BMPR1B: variants seen among roughly 807,000 people sequenced by gnomAD.
BMPR1B encodes bone morphogenetic protein receptor type 1B, also known as bone morphogenetic protein receptor type-1B.
BMPR1B carries 12 observed loss-of-function variants against 59.1 expected under a neutral mutation model. The observed-to-expected ratio is 0.20, with a 90% CI of 0.13 to 0.33. The LOEUF (loss-of-function observed/expected upper bound fraction) is 0.33. Among genes scored for constraint, BMPR1B ranks in the 10% least tolerant of loss-of-function variants. The pLI is 1.00. For missense variants in BMPR1B, 550 were observed against 610.9 expected (o/e 0.90, Z 1.05); for synonymous variants, 237 against 207.3 (o/e 1.14, Z -1.23).
At chr4:94,987,751 C>T (rs894708116) in intron 2 of BMPR1B, among the ~76,000 whole-genome samples, 13 of 151,926 alleles carry the variant, frequency 8.6e-5, no homozygotes, top group Admixed American at 3.9e-4. Flanking sequence ...ATCAAATATA[C>T]GGCAGTTTTT....
intron 3 of BMPR1B, among the ~76,000 whole-genome samples, chr4:95,063,434 G>T (rs140794222): frequency 6.6e-6 from 1 of 151,860 alleles, no homozygotes; most frequent in South Asian, 2.1e-4. Flanking sequence ...TAGATCATAG[G>T]TGCAGGAGCT....
At chr4:94,807,571 C>T (rs550340968) in intron 1 of BMPR1B, among the ~76,000 whole-genome samples, 15 of 152,020 alleles carry the variant, frequency 9.9e-5, no homozygotes, top group Non-Finnish European at 1.9e-4. Context: ...CAGCCACACC[C>T]GAAACATTGT....
At chr4:94,812,215 T>C (rs1723843961) in intron 1 of BMPR1B, among the ~76,000 whole-genome samples, 1 of 152,214 alleles carries the variant, frequency 6.6e-6, no homozygotes, top group Non-Finnish European at 1.5e-5. Flanking sequence ...AGAAGCTTCA[T>C]ACTGTTATAG....
intron 12 of BMPR1B, among the ~76,000 whole-genome samples, chr4:95,154,268 TC>T (rs1309450594): frequency 6.6e-6 from 1 of 152,208 alleles, no homozygotes; most frequent in Non-Finnish European, 1.5e-5. Flanking sequence ...GAATACAGAC[TC>T]CCTGGGTATT....
At chr4:94,799,342 C>T (rs997064279) in intron 1 of BMPR1B, among the ~76,000 whole-genome samples, 5 of 149,302 alleles carry the variant, frequency 3.3e-5, no homozygotes, top group African/African-American at 7.4e-5. Context: ...CTTGCTGTGT[C>T]GCCCAGTCTG....
chr4:94,951,107 T>G (rs1341212850), intron 2 of BMPR1B, among the ~76,000 whole-genome samples: 7 of 152,232 alleles, frequency 4.6e-5, no homozygotes, highest in Non-Finnish European at 8.8e-5. Flanking sequence ...TGCTTGTGAT[T>G]ATTGCATATT....
At chr4:95,115,816 A>G in intron 6 of BMPR1B, 29 bp downstream of exon 6, 1 of 1,553,024 alleles carries the variant, frequency 6.4e-7, no homozygotes, top group Non-Finnish European at 8.9e-7. Context: ...CAGCCTGGAA[A>G]ATCACTAGGT....
At chr4:95,026,534 A>T (rs972633265) in intron 3 of BMPR1B, among the ~76,000 whole-genome samples, 2 of 152,092 alleles carry the variant, frequency 1.3e-5, no homozygotes, top group African/African-American at 2.4e-5. Flanking sequence ...AGAGGCCATT[A>T]GAAGTTTTCC....
At chr4:94,980,484 A>G (rs977853288) in intron 2 of BMPR1B, among the ~76,000 whole-genome samples, 1 of 152,084 alleles carries the variant, frequency 6.6e-6, no homozygotes, top group Non-Finnish European at 1.5e-5. Flanking sequence ...CCCTCTTTGT[A>G]TGGAGTCTGG....
intron 1 of BMPR1B, among the ~76,000 whole-genome samples, chr4:94,840,032 G>C (rs1265250421): frequency 6.6e-6 from 1 of 151,844 alleles, no homozygotes; most frequent in Non-Finnish European, 1.5e-5. Flanking sequence ...GCTTAGTTTG[G>C]CTGGATATGA....
chr4:95,036,445 A>C (rs1490972315), intron 3 of BMPR1B, among the ~76,000 whole-genome samples: 2 of 152,142 alleles, frequency 1.3e-5, no homozygotes, highest in African/African-American at 2.4e-5. Flanking sequence ...TAGCTTTCAC[A>C]AATATGTGAG....
chr4:95,005,894 A>G (rs759212050), intron 3 of BMPR1B, among the ~76,000 whole-genome samples: 8 of 152,234 alleles, frequency 5.3e-5, no homozygotes, highest in Admixed American at 2.0e-4. Flanking sequence ...TGCAATTAGC[A>G]TCTTTCACAA....
At chr4:94,811,831 A>G (rs1160451388) in intron 1 of BMPR1B, among the ~76,000 whole-genome samples, 3 of 152,198 alleles carry the variant, frequency 2.0e-5, no homozygotes, top group African/African-American at 4.8e-5. Context: ...AGTGCCAAAA[A>G]AAGTTTTCTC....
chr4:94,832,669 G>C (rs905618232), intron 1 of BMPR1B, among the ~76,000 whole-genome samples: 3 of 152,114 alleles, frequency 2.0e-5, no homozygotes, highest in African/African-American at 7.2e-5. Context: ...TGTAATCCCA[G>C]CTACTCAGGA....
At chr4:95,009,726 G>A (rs942672009) in intron 3 of BMPR1B, among the ~76,000 whole-genome samples, 1 of 152,088 alleles carries the variant, frequency 6.6e-6, no homozygotes, top group Non-Finnish European at 1.5e-5. Context: ...TCATAGTTTG[G>A]TAAGTGGCTA....
intron 3 of BMPR1B, among the ~76,000 whole-genome samples, chr4:95,082,804 C>T (rs971128426): frequency 4.6e-5 from 7 of 151,642 alleles, no homozygotes; most frequent in Non-Finnish European, 7.4e-5. Flanking sequence ...TTTGGGAGGC[C>T]GAGGCGGGCG....
chr4:94,969,234 A>G (rs1560572596), intron 2 of BMPR1B, among the ~76,000 whole-genome samples: 1 of 151,926 alleles, frequency 6.6e-6, no homozygotes, highest in Admixed American at 6.6e-5. Context: ...ACGGGGTTTC[A>G]CCATTTTGGC....
At chr4:94,885,720 T>C (rs1382215319) in intron 2 of BMPR1B, among the ~76,000 whole-genome samples, 1 of 152,172 alleles carries the variant, frequency 6.6e-6, no homozygotes, top group Admixed American at 6.5e-5. Flanking sequence ...AAAATATATG[T>C]AATCTAAAGA....
At chr4:94,816,761 T>C (rs950928507) in intron 1 of BMPR1B, among the ~76,000 whole-genome samples, 2 of 152,212 alleles carry the variant, frequency 1.3e-5, no homozygotes, top group Non-Finnish European at 2.9e-5. Context: ...AAGGCAGTAC[T>C]ATGGAAGAAA....
Sources: gnomAD v4.1 joint callset for allele counts (sites outside exome capture counted in the v4.1 genomes callset) on GRCh38, gnomAD v4.1.1 for gene constraint, MANE v1.5 for transcripts, NCBI Gene and HGNC (gene_info 2026-07-23, HGNC 2026-07-21) for gene names.